Variants in PXDNL observed in about 807,000 individuals in gnomAD.
The protein encoded by PXDNL is probable oxidoreductase PXDNL.
PXDNL carries 145 observed loss-of-function variants against 150.8 expected under a neutral mutation model. The observed-to-expected ratio is 0.96, with a 90% CI of 0.84 to 1.10. The LOEUF (loss-of-function observed/expected upper bound fraction) is 1.10, where lower values mean the gene tolerates loss of function less well. Ranked by LOEUF, PXDNL falls within the 50% of genes least tolerant of loss-of-function variation. PXDNL has a pLI of 0.00. For synonymous variants in PXDNL, 757 were observed against 725.7 expected (o/e 1.04, Z -0.69); for missense variants, 2,087 against 1,873.9 (o/e 1.11, Z -2.10).
At chr8:51,697,308 G>T (rs797010195) in intron 1 of PXDNL, among the ~76,000 whole-genome samples, 4 of 152,026 alleles carry the variant, frequency 2.6e-5, no homozygotes, top group African/African-American at 9.6e-5. Context: ...TGTTTTTGCG[G>T]GGTGGGGGTG....
intron 4 of PXDNL, among the ~76,000 whole-genome samples, chr8:51,541,218 G>A (rs570888359): frequency 1.3e-4 from 19 of 147,202 alleles, no homozygotes; most frequent in South Asian, 1.1e-3. Context: ...AGATGGCACC[G>A]CTGCACTCCG....
chr8:51,542,561 C>A (rs1812242472), intron 4 of PXDNL, among the ~76,000 whole-genome samples: 11 of 150,550 alleles, frequency 7.3e-5, no homozygotes, highest in Admixed American at 6.6e-4. Context: ...GTAATCTCAG[C>A]AATTTTGGAG....
chr8:51,522,177 C>A (rs969261849), intron 4 of PXDNL, among the ~76,000 whole-genome samples: 3 of 151,980 alleles, frequency 2.0e-5, no homozygotes, highest in Non-Finnish European at 4.4e-5. Flanking sequence ...TTGATTGAAC[C>A]TGGACTATAT....
chr8:51,803,391 CT>C (rs2037641715), intron 1 of PXDNL, among the ~76,000 whole-genome samples: 1 of 152,062 alleles, frequency 6.6e-6, no homozygotes, highest in Non-Finnish European at 1.5e-5. Context: ...CAAAAAAACT[CT>C]CCCTGTCCTT....
chr8:51,410,666 C>T (rs1808605802), intron 16 of PXDNL, among the ~76,000 whole-genome samples: 1 of 151,908 alleles, frequency 6.6e-6, no homozygotes, highest in South Asian at 2.1e-4. Flanking sequence ...ATCACATTCA[C>T]TTATTTCATT....
At chr8:51,650,593 T>C (rs751936428) in intron 2 of PXDNL, among the ~76,000 whole-genome samples, 1 of 152,132 alleles carries the variant, frequency 6.6e-6, no homozygotes, top group African/African-American at 2.4e-5. Context: ...CTTGTGGAAA[T>C]TGCCCTAGGA....
chr8:51,509,519 C>T (rs1432891872), intron 4 of PXDNL, among the ~76,000 whole-genome samples: 1 of 152,096 alleles, frequency 6.6e-6, no homozygotes, highest in Non-Finnish European at 1.5e-5. Context: ...AGGCTCACTC[C>T]TAACTTAGGG....
chr8:51,803,710 C>T (rs1048801468), intron 1 of PXDNL, among the ~76,000 whole-genome samples: 13 of 152,318 alleles, frequency 8.5e-5, no homozygotes, highest in African/African-American at 3.1e-4. Flanking sequence ...TGGTGACCGT[C>T]CTGGCTTTTG....
At chr8:51,349,064 G>A (rs768305195) in intron 19 of PXDNL, among the ~76,000 whole-genome samples, 3 of 152,154 alleles carry the variant, frequency 2.0e-5, no homozygotes, top group Non-Finnish European at 2.9e-5. Context: ...TGTGACATGC[G>A]GGTATGAATT....
intron 2 of PXDNL, among the ~76,000 whole-genome samples, chr8:51,624,247 C>T (rs1188670123): frequency 2.0e-5 from 3 of 152,132 alleles, no homozygotes; most frequent in African/African-American, 4.8e-5. Flanking sequence ...CAAAGGACCA[C>T]AGACCGGTGG....
At position 51,766,548 on chromosome 8, in the gene PXDNL, G is replaced by C. The variant is rs550413659; in HGVS notation, c.164+42633C>G. On this transcript the variant is annotated intron_variant, in intron 1 of 22. Transcript: ENST00000356297. Reference sequence around the variant, plus strand: ...CTAGTGATTAATCCTCTCCATATCTGTTTATCTGGGAATGTCTTAATTTTC... The same window carrying C: ...CTAGTGATTAATCCTCTCCATATCTCTTTATCTGGGAATGTCTTAATTTTC... Among the ~76,000 whole-genome samples, 67 of 152,198 alleles carry C rather than the reference G, an allele frequency of 4.4e-4. 1 individual carries two copies. Among genetic ancestry groups the C allele is most frequent in the Non-Finnish European group, 8.2e-4 (56 of 67,990 alleles).
At chr8:51,375,866 T>C (rs1485291784) in intron 17 of PXDNL, among the ~76,000 whole-genome samples, 1 of 152,206 alleles carries the variant, frequency 6.6e-6, no homozygotes, top group African/African-American at 2.4e-5. Flanking sequence ...CCAACTCCTG[T>C]TTTGCATAAA....
intron 1 of PXDNL, among the ~76,000 whole-genome samples, chr8:51,742,963 A>G (rs2036923430): frequency 6.6e-6 from 1 of 152,208 alleles, no homozygotes. Flanking sequence ...GTTTCCTAAA[A>G]TTTAATAAAC....
At chr8:51,552,850 A>T (rs1418271663) in intron 4 of PXDNL, among the ~76,000 whole-genome samples, 1 of 152,174 alleles carries the variant, frequency 6.6e-6, no homozygotes, top group Non-Finnish European at 1.5e-5. Context: ...AACAATAATA[A>T]AAGATAGACA....
At chr8:51,441,195 G>A (rs973170544) in intron 12 of PXDNL, among the ~76,000 whole-genome samples, 4 of 152,228 alleles carry the variant, frequency 2.6e-5, no homozygotes, top group East Asian at 1.9e-4. Context: ...TCCTGCCACC[G>A]TGTGAAGAGG....
chr8:51,545,472 G>A (rs58522786), intron 4 of PXDNL, among the ~76,000 whole-genome samples: 2,827 of 151,048 alleles, frequency 0.019, 37 homozygotes, highest in African/African-American at 0.034. Flanking sequence ...GTTTTGTACT[G>A]CTCTTAAAAA....
chr8:51,689,711 T>G (rs1815949241), intron 1 of PXDNL, among the ~76,000 whole-genome samples: 1 of 152,158 alleles, frequency 6.6e-6, no homozygotes. Context: ...GAAAGTTATG[T>G]CCTAGCAACT....
chr8:51,519,124 T>C (rs889930475), intron 4 of PXDNL, among the ~76,000 whole-genome samples: 31 of 152,164 alleles, frequency 2.0e-4, no homozygotes, highest in African/African-American at 7.2e-4. Flanking sequence ...AAGTAAAAAT[T>C]GTCATTGGTA....
intron 1 of PXDNL, among the ~76,000 whole-genome samples, chr8:51,765,254 G>A (rs898354498): frequency 6.6e-6 from 1 of 152,102 alleles, no homozygotes; most frequent in African/African-American, 2.4e-5. Flanking sequence ...CCCCCTTACT[G>A]TTCTCGTGGT....
Sources: gnomAD v4.1 joint callset for allele counts (sites outside exome capture counted in the v4.1 genomes callset) on GRCh38, gnomAD v4.1.1 for gene constraint, MANE v1.5 for transcripts, NCBI Gene and HGNC (gene_info 2026-07-23, HGNC 2026-07-21) for gene names.